ARID2: variants seen among roughly 807,000 people sequenced by gnomAD.
ARID2 encodes AT-rich interaction domain 2.
Under a neutral mutation model 184.6 loss-of-function variants are expected in ARID2, and 32 were observed. The ratio of observed to expected loss-of-function variants is 0.17; its 90% confidence interval spans 0.13 to 0.23. ARID2 has a LOEUF of 0.23. ARID2 is among the 10% of genes least tolerant of loss of function. The pLI is 1.00. For missense variants in ARID2, 1,696 were observed against 2,197.6 expected (o/e 0.77, Z 4.56); for synonymous variants, 836 against 772.6 (o/e 1.08, Z -1.36).
At chr12:45,793,050 GCA>G (rs1197145667) in intron 3 of ARID2, among the ~76,000 whole-genome samples, 1 of 152,148 alleles carries the variant, frequency 6.6e-6, no homozygotes, top group Admixed American at 6.5e-5. Flanking sequence ...TGTAATCCCA[GCA>G]CTTTGGGAGG....
intron 6 of ARID2, among the ~76,000 whole-genome samples, chr12:45,831,174 T>C (rs1592104273): frequency 6.6e-6 from 1 of 152,252 alleles, no homozygotes; most frequent in Non-Finnish European, 1.5e-5. Context: ...TTTTTCTAAC[T>C]TGTTAGGAAT....
chr12:45,747,334 C>T (rs989001132), intron 3 of ARID2, among the ~76,000 whole-genome samples: 15 of 152,096 alleles, frequency 9.9e-5, no homozygotes, highest in African/African-American at 3.6e-4. Context: ...TGCAACAACT[C>T]TAGGAAATAG....
At chr12:45,808,729 T>TTGCG (rs1007823252) in intron 3 of ARID2, among the ~76,000 whole-genome samples, 2 of 149,338 alleles carry the variant, frequency 1.3e-5, no homozygotes, top group African/African-American at 2.5e-5. Context: ...AAATGTGTGT[T>TTGCG]TGCGTGCGTG....
chr12:45,865,055 A>T (rs954231982), intron 16 of ARID2, among the ~76,000 whole-genome samples: 1 of 152,162 alleles, frequency 6.6e-6, no homozygotes, highest in African/African-American at 2.4e-5. Context: ...TGGTATACAA[A>T]TTGTGCCATT....
intron 20 of ARID2, among the ~76,000 whole-genome samples, chr12:45,895,064 C>G (rs989771844): frequency 6.6e-6 from 1 of 152,176 alleles, no homozygotes; most frequent in Admixed American, 6.5e-5. Flanking sequence ...TTTTCCTTTG[C>G]TCTATTCCCC....
chr12:45,872,046 T>G (rs574429317), intron 16 of ARID2, among the ~76,000 whole-genome samples: 1 of 148,826 alleles, frequency 6.7e-6, no homozygotes, highest in Admixed American at 6.7e-5. Flanking sequence ...TTTTATTGAA[T>G]TTTTTTTCCC....
intron 3 of ARID2, among the ~76,000 whole-genome samples, chr12:45,768,375 C>A (rs975780498): frequency 1.3e-5 from 2 of 152,036 alleles, no homozygotes; most frequent in South Asian, 4.2e-4. Context: ...TCCAGCAGTT[C>A]CACATTGGGA....
chr12:45,891,591 CTT>C (rs1944302866), intron 16 of ARID2, among the ~76,000 whole-genome samples, 187 bp from the exon 17 acceptor site: 1 of 152,040 alleles, frequency 6.6e-6, no homozygotes, highest in East Asian at 1.9e-4. Flanking sequence ...ATTTCATTCA[CTT>C]TTAAGAGATT....
intron 3 of ARID2, among the ~76,000 whole-genome samples, chr12:45,793,230 G>A (rs1017870518): frequency 2.0e-5 from 3 of 151,974 alleles, no homozygotes; most frequent in African/African-American, 7.3e-5. Context: ...AACCCCGGAA[G>A]CAGAGGTTGC....
At chr12:45,880,357 G>C (rs1334768076) in intron 16 of ARID2, among the ~76,000 whole-genome samples, 1 of 152,132 alleles carries the variant, frequency 6.6e-6, no homozygotes, top group Non-Finnish European at 1.5e-5. Context: ...CTTTTACTTG[G>C]TACTGATAAA....
intron 16 of ARID2, among the ~76,000 whole-genome samples, chr12:45,868,519 C>T (rs1247219546): frequency 6.6e-6 from 1 of 152,200 alleles, no homozygotes. Flanking sequence ...TATTTTGCTA[C>T]ATAAAATTTA....
Position 45,837,655 on chromosome 12 carries a change from G to A in ARID2, c.1278G>A (p.Thr426=), listed in dbSNP as rs146341546. The change falls in exon 10 of 21, where the codon ACG becomes ACA. Residue 426 remains threonine, a synonymous_variant. Transcript: ENST00000334344. ...CACTCGAGGTGCTATACATGCTCAC[G>A]GAAATGGGAGATGTTGCTTGCACAA... ...ISTLEVLYML[T]EMGDVACTKI... 76 of 1,613,886 alleles carry A rather than the reference G, an allele frequency of 4.7e-5. No homozygotes were observed. Among genetic ancestry groups the A allele is most frequent in the African/African-American group, 4.0e-4 (30 of 75,034 alleles).
At chr12:45,750,068 G>C (rs916143814) in intron 3 of ARID2, among the ~76,000 whole-genome samples, 2 of 152,080 alleles carry the variant, frequency 1.3e-5, no homozygotes, top group South Asian at 4.2e-4. Flanking sequence ...CTAGCTTTTG[G>C]CATATCTTGG....
In ARID2 at chr12:45,751,255, G is replaced by C. The variant is rs190006438; in HGVS notation, c.284+19941G>C. On this transcript the variant is annotated intron_variant, in intron 3 of 20. Coordinates refer to ENST00000334344, the MANE Select transcript of ARID2 (RefSeq NM_152641.4). ...TTAAAGGAGAGAAAGGAGCAAACCA[G>C]GTGGATATTTGGGATAAGAATGAAC... Among the ~76,000 whole-genome samples, 45 of 152,310 alleles carry C rather than the reference G, an allele frequency of 3.0e-4. 1 individual carries two copies. In the East Asian group the frequency reaches 8.7e-3, roughly 29 times the overall value.
At chr12:45,778,254 A>G (rs1049793010) in intron 3 of ARID2, among the ~76,000 whole-genome samples, 4 of 152,034 alleles carry the variant, frequency 2.6e-5, no homozygotes, top group African/African-American at 7.2e-5. Flanking sequence ...TCCCCCCCCA[A>G]CCCGCAAGAA....
rs201416247 is a variant in ARID2, at chr12:45,889,182, AAATAAT to A, written c.4923-2588_4923-2583del. Among the ~76,000 whole-genome samples, 899 of 152,298 alleles carry A rather than the reference AAATAAT, an allele frequency of 5.9e-3. 8 individuals carry two copies. The highest frequency in any genetic ancestry group is 0.021 in the African/African-American group (856 of 41,562). On this transcript the variant is annotated intron_variant, in intron 16 of 20. Transcript: ENST00000334344. ...GGGCAACAGAGTGAGACTCTGTCTC[AAATAAT>A]AATAATAATTTGTACAAAGGTATCA...
intron 16 of ARID2, among the ~76,000 whole-genome samples, chr12:45,890,198 T>C (rs762581104): frequency 1.3e-5 from 2 of 152,340 alleles, no homozygotes; most frequent in South Asian, 2.1e-4. Flanking sequence ...CTTAAAAATA[T>C]CTGTTTTAAA....
rs1240763201 is a variant in ARID2 at position 45,729,789 on chromosome 12, T to C, written c.-48T>C. The C allele has an allele frequency of 2.0e-6, 3 of 1,537,912 alleles. No homozygotes were observed. The highest frequency in any genetic ancestry group is 2.6e-6 in the Non-Finnish European group (3 of 1,135,120). ...AGGAAGCGCTGGGAGCGGGGGGCGC[T>C]TTTAAAACACCGATCTGGGTTTTTT... On this transcript the variant is annotated 5_prime_UTR_variant, in exon 1 of 21. Coordinates refer to ENST00000334344, the MANE Select transcript of ARID2 (RefSeq NM_152641.4).
intron 16 of ARID2, among the ~76,000 whole-genome samples, chr12:45,873,395 T>A (rs535600882): frequency 2.3e-4 from 35 of 152,366 alleles, no homozygotes; most frequent in African/African-American, 8.4e-4. Context: ...ATGCACTTGT[T>A]CTTTTTCTGC....
Sources: gnomAD v4.1 joint callset for allele counts (sites outside exome capture counted in the v4.1 genomes callset) on GRCh38, gnomAD v4.1.1 for gene constraint, MANE v1.5 for transcripts, NCBI Gene and HGNC (gene_info 2026-07-23, HGNC 2026-07-21) for gene names.